SLC25A48: variants seen among roughly 807,000 people sequenced by gnomAD.
SLC25A48 encodes CTC-321K16.1.
SLC25A48 carries 29 observed loss-of-function variants against 32.2 expected under a neutral mutation model. The observed-to-expected ratio is 0.90, with a 90% CI of 0.67 to 1.23. The LOEUF is 1.23. SLC25A48 is among the 50% of genes most tolerant of loss of function. The pLI, the probability that SLC25A48 is intolerant of heterozygous loss-of-function variation, is 0.00. For synonymous variants in SLC25A48, 164 were observed against 172.3 expected, an observed-to-expected ratio of 0.95 and a Z score of 0.38; for missense variants, 399 against 422.7, an observed-to-expected ratio of 0.94 and a Z score of 0.49.
At chr5:135,714,243 C>T (rs1289391792) in intron 3 of SLC25A48, among the ~76,000 whole-genome samples, 1 of 152,176 alleles carries the variant, frequency 6.6e-6, no homozygotes, top group Non-Finnish European at 1.5e-5. Context: ...GCAGGGAGGT[C>T]TGAGTGCGGA....
chr5:135,617,525 GT>G (rs984641655), intron 1 of SLC25A48, among the ~76,000 whole-genome samples: 5 of 150,146 alleles, frequency 3.3e-5, no homozygotes, highest in Non-Finnish European at 7.4e-5. Flanking sequence ...TCCATTTTTG[GT>G]TAGTTGAGGT....
chr5:135,696,382 A>C (rs1754267027), intron 3 of SLC25A48, among the ~76,000 whole-genome samples: 1 of 152,236 alleles, frequency 6.6e-6, no homozygotes, highest in Non-Finnish European at 1.5e-5. Flanking sequence ...AAGATCACTT[A>C]TCTTGGATCA....
intron 3 of SLC25A48, among the ~76,000 whole-genome samples, chr5:135,795,245 G>A (rs78157754): frequency 0.023 from 3,475 of 151,698 alleles, 56 homozygotes; most frequent in Non-Finnish European, 0.032. Flanking sequence ...TCCCAATATC[G>A]CAGAAGGTGT....
chr5:135,870,818 A>AT (rs1761576539), intron 4 of SLC25A48, among the ~76,000 whole-genome samples: 1 of 152,132 alleles, frequency 6.6e-6, no homozygotes. Context: ...ACATAAGGAA[A>AT]TGGGCTGAAA....
intron 3 of SLC25A48, among the ~76,000 whole-genome samples, chr5:135,810,162 G>C (rs11749402): frequency 0.38 from 57,880 of 152,008 alleles, 12,583 homozygotes; most frequent in Non-Finnish European, 0.49. Flanking sequence ...TTGATGCCAT[G>C]TTGGGGACAA....
intron 2 of SLC25A48, among the ~76,000 whole-genome samples, chr5:135,845,282 C>T (rs1401468229): frequency 6.6e-6 from 1 of 152,236 alleles, no homozygotes; most frequent in South Asian, 2.1e-4. Context: ...GTCAGATCTG[C>T]CCATCCTTCC....
At chr5:135,663,885 C>T (rs1004110124) in intron 3 of SLC25A48, among the ~76,000 whole-genome samples, 3 of 152,212 alleles carry the variant, frequency 2.0e-5, no homozygotes, top group African/African-American at 7.2e-5. Flanking sequence ...TGGCCTCAGG[C>T]ACCTGTCAGG....
At chr5:135,839,414 C>G (rs1758811094) in intron 1 of SLC25A48, among the ~76,000 whole-genome samples, 1 of 152,118 alleles carries the variant, frequency 6.6e-6, no homozygotes, top group African/African-American at 2.4e-5. Context: ...TTTGTTTTGG[C>G]CAATTTTTCC....
intron 4 of SLC25A48, among the ~76,000 whole-genome samples, chr5:135,857,618 T>C (rs1561539048): frequency 6.6e-6 from 1 of 152,238 alleles, no homozygotes; most frequent in Non-Finnish European, 1.5e-5. Context: ...CTGCATCCTG[T>C]CTCTGTTACA....
At chr5:135,797,784 AG>A (rs1293031327) in intron 3 of SLC25A48, among the ~76,000 whole-genome samples, 1 of 151,804 alleles carries the variant, frequency 6.6e-6, no homozygotes, top group Non-Finnish European at 1.5e-5. Flanking sequence ...TCAATATCTC[AG>A]GGGATGTACA....
intron 3 of SLC25A48, among the ~76,000 whole-genome samples, chr5:135,808,657 TG>T (rs1757526049): frequency 6.6e-6 from 1 of 152,186 alleles, no homozygotes; most frequent in African/African-American, 2.4e-5. Context: ...TTTCTGATCC[TG>T]TCCTGTAAGA....
At chr5:135,725,048 A>G (rs1755056632) in intron 3 of SLC25A48, among the ~76,000 whole-genome samples, 1 of 152,256 alleles carries the variant, frequency 6.6e-6, no homozygotes. Flanking sequence ...TGAGTCTTCC[A>G]CAAGTAGTAA....
At chr5:135,774,710 A>C (rs569387584) in intron 3 of SLC25A48, among the ~76,000 whole-genome samples, 2 of 151,270 alleles carry the variant, frequency 1.3e-5, no homozygotes, top group African/African-American at 4.9e-5. Flanking sequence ...AGGGGGTAAG[A>C]GGATAATATT....
chr5:135,856,641 G>A (rs1760346235), intron 4 of SLC25A48, among the ~76,000 whole-genome samples: 1 of 152,208 alleles, frequency 6.6e-6, no homozygotes, highest in Non-Finnish European at 1.5e-5. Flanking sequence ...AACAAATGGG[G>A]CCATCAGGGA....
intron 3 of SLC25A48, among the ~76,000 whole-genome samples, chr5:135,794,895 T>C (rs959746270): frequency 2.0e-5 from 3 of 151,902 alleles, no homozygotes; most frequent in Admixed American, 6.6e-5. Flanking sequence ...TTTGATATTG[T>C]TTCTCATATC....
In SLC25A48 at chr5:135,690,170, A is replaced by G. The variant is rs184379309; in HGVS notation, c.-521+55214A>G. On this transcript the variant is annotated intron_variant, in intron 3 of 10. Coordinates refer to the SLC25A48 transcript ENST00000646290. ...ACCCCAAAAATTAGTAAACCTCCCT[A>G]TGCCTCCGTCTTCTTATCTGCAAAA... Among the ~76,000 whole-genome samples the G allele has an allele frequency of 1.9e-3, 282 of 152,288 alleles. 1 individual carries two copies. The highest frequency in any genetic ancestry group is 6.5e-3 in the African/African-American group (272 of 41,554).
At chr5:135,743,824 A>G (rs1580833865) in intron 3 of SLC25A48, among the ~76,000 whole-genome samples, 1 of 152,268 alleles carries the variant, frequency 6.6e-6, no homozygotes, top group East Asian at 1.9e-4. Context: ...AGCTTCTTTG[A>G]TGGCCCCTAA....
In SLC25A48 at chr5:135,583,975, A is replaced by G. The variant is rs562860554; in HGVS notation, c.-849+4378A>G. On this transcript the variant is annotated intron_variant, in intron 1 of 10. Transcript: ENST00000646290. The stretch of plus-strand genomic sequence containing the variant: ...GGAAGTTGAAGGACCAAGGTTCCCA[A>G]GAACAACCTCTGGTTTTGTTCTTCA... Among the ~76,000 whole-genome samples, 7 of 152,350 alleles carry G rather than the reference A, an allele frequency of 4.6e-5. 1 individual carries two copies. In the Middle Eastern group the frequency reaches 0.014, roughly 296 times the overall value.
intron 1 of SLC25A48, among the ~76,000 whole-genome samples, chr5:135,835,545 A>G (rs1036054757): frequency 1.3e-5 from 2 of 151,950 alleles, no homozygotes; most frequent in African/African-American, 4.8e-5. Context: ...CCACTCTTTT[A>G]CTGGGCCTGG....
Sources: allele counts gnomAD v4.1 joint callset (sites outside exome capture counted in the v4.1 genomes callset), GRCh38; gene constraint gnomAD v4.1.1; transcripts MANE v1.5; gene names NCBI Gene and HGNC (gene_info 2026-07-23, HGNC 2026-07-21).